Variants in PCDH15 observed in about 807,000 individuals in gnomAD.
PCDH15 encodes protocadherin-15.
PCDH15 carries 129 observed loss-of-function variants against 178.5 expected under a neutral mutation model. The observed-to-expected ratio is 0.72, with a 90% confidence interval of 0.63 to 0.84. PCDH15 has a LOEUF of 0.84. PCDH15 is among the 40% of genes least tolerant of loss of function. PCDH15 has a pLI of 0.00. For synonymous variants in PCDH15, 800 were observed against 732.0 expected, an observed-to-expected ratio of 1.09 and a Z score of -1.50; for missense variants, 2,230 against 2,099.9, an observed-to-expected ratio of 1.06 and a Z score of -1.21.
At chr10:54,830,489 A>T (rs1180784702) in intron 3 of PCDH15, among the ~76,000 whole-genome samples, 7 of 152,166 alleles carry the variant, frequency 4.6e-5, no homozygotes, top group Middle Eastern at 3.4e-3. Context: ...CAAGGACAAA[A>T]AACCAAACAC....
chr10:54,257,337 A>T (rs1591452865), intron 8 of PCDH15, among the ~76,000 whole-genome samples: 1 of 151,478 alleles, frequency 6.6e-6, no homozygotes, highest in Non-Finnish European at 1.5e-5. Flanking sequence ...AGAATTTCAC[A>T]GTTTAACATA....
chr10:54,074,323 T>C (rs80290578), intron 17 of PCDH15, among the ~76,000 whole-genome samples: 4,079 of 152,290 alleles, frequency 0.027, 193 homozygotes, highest in African/African-American at 0.091. Flanking sequence ...AAAAGCTCTA[T>C]AACATTAAAC....
chr10:54,956,535 GTTCTACTTTGCC>G (rs1437092425), intron 2 of PCDH15, among the ~76,000 whole-genome samples: 1 of 151,366 alleles, frequency 6.6e-6, no homozygotes, highest in East Asian at 1.9e-4. Flanking sequence ...TTAAAAAAGA[GTTCTACTTTGCC>G]AAGGAAGATA....
chr10:54,746,812 G>A (rs1945522655), intron 1 of PCDH15, among the ~76,000 whole-genome samples: 1 of 152,072 alleles, frequency 6.6e-6, no homozygotes, highest in African/African-American at 2.4e-5. Context: ...AAGGGAAAAG[G>A]CTTATGGGGC....
At chr10:54,604,867 T>G (rs1478147650) in intron 2 of PCDH15, among the ~76,000 whole-genome samples, 1 of 151,810 alleles carries the variant, frequency 6.6e-6, no homozygotes, top group Non-Finnish European at 1.5e-5. Context: ...TGACAGGCTT[T>G]AATTCCTTTC....
Position 55,345,099 on chromosome 10 carries a change from A to C in PCDH15, c.-155-178448T>G, listed in dbSNP as rs192333338. ...CTATATCTCTCTGTTTCTTTGTATT[A>C]AAATCTCTCAAATATACTATGTCCT... On this transcript the variant is annotated intron_variant, in intron 2 of 5. Coordinates refer to the PCDH15 transcript ENST00000613346. Among the ~76,000 whole-genome samples the C allele has an allele frequency of 2.8e-4, 42 of 151,966 alleles. No homozygotes were observed. The East Asian group carries it at 7.2e-3, about 26-fold the overall frequency.
intron 2 of PCDH15, among the ~76,000 whole-genome samples, chr10:55,364,214 C>A (rs947558713): frequency 4.6e-5 from 7 of 152,128 alleles, no homozygotes; most frequent in African/African-American, 1.7e-4. Context: ...GAGGCCTCCC[C>A]AGCCATGCTG....
At chr10:54,272,214 A>G (rs1346557782) in intron 8 of PCDH15, among the ~76,000 whole-genome samples, 1 of 151,632 alleles carries the variant, frequency 6.6e-6, no homozygotes, top group Admixed American at 6.6e-5. Context: ...CATTAAAGGC[A>G]TAAGAGGTAC....
intron 28 of PCDH15, among the ~76,000 whole-genome samples, chr10:53,852,025 A>T (rs1298733119): frequency 6.6e-6 from 1 of 151,980 alleles, no homozygotes; most frequent in Non-Finnish European, 1.5e-5. Flanking sequence ...TTCATACAAA[A>T]ATACTCTAAC....
intron 23 of PCDH15, among the ~76,000 whole-genome samples, chr10:53,951,266 T>C (rs182369098): frequency 2.0e-5 from 3 of 152,320 alleles, no homozygotes; most frequent in Admixed American, 2.0e-4. Context: ...AAGTTTATAA[T>C]TGGAATATTT....
chr10:54,827,607 C>T (rs1441439349), intron 3 of PCDH15, among the ~76,000 whole-genome samples: 1 of 152,032 alleles, frequency 6.6e-6, no homozygotes, highest in Non-Finnish European at 1.5e-5. Flanking sequence ...TTTTTCTCTC[C>T]TTTGGGAGCA....
chr10:54,292,171 A>G lies in PCDH15; in HGVS notation c.876+25100T>C, dbSNP rs566019928. ...GGGATGCAAGGCTGGTTCAACATAC[A>G]CAAATAAATAAATGTAATCCATCAC... is the stretch of plus-strand genomic sequence containing the variant. On this transcript the variant is annotated intron_variant, in intron 8 of 37. Transcript: ENST00000644397. Among the ~76,000 whole-genome samples the G allele has an allele frequency of 2.0e-5, 3 of 152,282 alleles. No individual in the cohort carries two copies. In the East Asian group the frequency reaches 5.8e-4, roughly 29 times the overall value.
intron 1 of PCDH15, among the ~76,000 whole-genome samples, chr10:54,793,664 A>G (rs1190766590): frequency 2.0e-5 from 3 of 148,862 alleles, no homozygotes; most frequent in Non-Finnish European, 4.5e-5. Context: ...ATATGCTTAT[A>G]TATACATATA....
chr10:54,781,816 A>G (rs948432541), intron 1 of PCDH15, among the ~76,000 whole-genome samples: 2 of 152,292 alleles, frequency 1.3e-5, no homozygotes, highest in East Asian at 1.9e-4. Flanking sequence ...GGTGCTTTGA[A>G]AGAATATTAC....
chr10:55,282,675 G>T (rs1387250247), intron 1 of PCDH15, among the ~76,000 whole-genome samples: 1 of 150,984 alleles, frequency 6.6e-6, no homozygotes, highest in African/African-American at 2.4e-5. Flanking sequence ...AAATGATTAA[G>T]TAATTAATTA....
At chr10:54,324,488 C>T (rs560356650) in intron 7 of PCDH15, among the ~76,000 whole-genome samples, 9 of 152,102 alleles carry the variant, frequency 5.9e-5, no homozygotes, top group Admixed American at 3.9e-4. Context: ...TTAGGCCGGG[C>T]ACAGTGGTTC....
At chr10:54,981,191 A>G (rs1839223911) in intron 2 of PCDH15, among the ~76,000 whole-genome samples, 1 of 152,150 alleles carries the variant, frequency 6.6e-6, no homozygotes, top group Non-Finnish European at 1.5e-5. Context: ...ACATTTCACC[A>G]TCCCAATACA....
At chr10:54,077,484 T>G (rs2094362314) in intron 17 of PCDH15, among the ~76,000 whole-genome samples, 1 of 152,202 alleles carries the variant, frequency 6.6e-6, no homozygotes, top group Non-Finnish European at 1.5e-5. Context: ...TTACTGCCAT[T>G]AGTTTCTGAT....
intron 3 of PCDH15, among the ~76,000 whole-genome samples, chr10:54,407,762 A>G (rs1205374648): frequency 1.3e-5 from 2 of 152,170 alleles, no homozygotes; most frequent in Non-Finnish European, 2.9e-5. Flanking sequence ...TTGCTAAAAA[A>G]GGAAAAGGGA....
Sources: gnomAD v4.1 joint callset for allele counts (sites outside exome capture counted in the v4.1 genomes callset) on GRCh38, gnomAD v4.1.1 for gene constraint, MANE v1.5 for transcripts, NCBI Gene and HGNC (gene_info 2026-07-23, HGNC 2026-07-21) for gene names.